The following PAM variants were observed in gnomAD, a reference collection of about 807,000 sequenced individuals.
PAM encodes the protein peptidyl-glycine alpha-amidating monooxygenase.
PAM carries 72 observed loss-of-function variants against 122.1 expected under a neutral mutation model. The ratio of observed to expected loss-of-function variants is 0.59; its 90% CI spans 0.49 to 0.72. The LOEUF (loss-of-function observed/expected upper bound fraction) is 0.72. Ranked by LOEUF, PAM falls within the 30% of genes least tolerant of loss-of-function variation. PAM has a pLI of 0.00. For missense variants in PAM, 1,106 were observed against 1,183.7 expected (o/e 0.93, Z 0.96); for synonymous variants, 389 against 404.4 (o/e 0.96, Z 0.46).
intron 7 of PAM, among the ~76,000 whole-genome samples, chr5:102,933,937 G>C (rs192925633): frequency 6.6e-6 from 1 of 152,108 alleles, no homozygotes; most frequent in South Asian, 2.1e-4. Context: ...TGGGAAACTG[G>C]ATCAGATTGC....
intron 4 of PAM, among the ~76,000 whole-genome samples, chr5:102,906,397 T>C (rs139760245): frequency 4.6e-5 from 7 of 151,750 alleles, no homozygotes; most frequent in African/African-American, 9.6e-5. Context: ...ATGCAAAATT[T>C]CATCTGGACC....
intron 7 of PAM, among the ~76,000 whole-genome samples, chr5:102,933,546 T>C (rs962602802): frequency 2.0e-5 from 3 of 152,210 alleles, no homozygotes; most frequent in African/African-American, 7.2e-5. Context: ...CATCTGTGTA[T>C]TCACACAAAT....
rs757890796 is a variant in PAM at position 102,974,441 on chromosome 5, G to A, written c.1483+5G>A. 9.4e-6 allele frequency: 15 copies of A among 1,593,022 alleles called. No individual in the cohort carries two copies. Among genetic ancestry groups the A allele is most frequent in the South Asian group, 2.2e-5 (2 of 89,036 alleles). On this transcript the variant is annotated splice_donor_5th_base_variant and intron_variant, in intron 15 of 25. Coordinates refer to ENST00000438793, the MANE Select transcript of PAM (RefSeq NM_001177306.2). Reference sequence around the variant, plus strand: ...GGGAACCAGAACACACAGGAGGTGCGTGTAGGGTTTCTTTTAAGCAGTAAA... The same window carrying A: ...GGGAACCAGAACACACAGGAGGTGCATGTAGGGTTTCTTTTAAGCAGTAAA...
intron 12 of PAM, among the ~76,000 whole-genome samples, chr5:102,951,304 G>T (rs1234459688): frequency 2.0e-5 from 3 of 151,934 alleles, no homozygotes; most frequent in Non-Finnish European, 2.9e-5. Flanking sequence ...AAAAAAGAAT[G>T]TTGAGCCTTT....
chr5:102,867,170 A>G, intron 2 of PAM, 103 bp from the exon 3 acceptor site: 2 of 737,538 alleles, frequency 2.7e-6, no homozygotes, highest in South Asian at 2.0e-5. Flanking sequence ...ATTGGGTTTA[A>G]ATCAATCATC....
chr5:102,945,227 T>C (rs1336140974), intron 7 of PAM, among the ~76,000 whole-genome samples: 1 of 152,008 alleles, frequency 6.6e-6, no homozygotes, highest in Non-Finnish European at 1.5e-5. Context: ...AGTACCTAGA[T>C]TTTACTTCTC....
rs536873522 is a variant in PAM, at chr5:102,853,369, G to T, written c.-373-12454G>T. ...TGTTAGGAAGAGTATTTTAATTTGG[G>T]TTTTTAGCTCTGTTTTTTCCCTGAC... On this transcript the variant is annotated intron_variant, in intron 1 of 25. Transcript: ENST00000438793. 9.6e-4 allele frequency among the ~76,000 whole-genome samples: 146 copies of T among 152,142 alleles called. 1 individual carries two copies. The highest frequency in any genetic ancestry group is 3.3e-3 in the African/African-American group (137 of 41,542).
At position 103,009,845 on chromosome 5, in the gene PAM, C is replaced by T. The variant is rs756154455; in HGVS notation, c.2310C>T (p.Asp770=). 2 of 1,598,732 alleles carry T rather than the reference C, an allele frequency of 1.3e-6. No homozygotes were observed. The highest frequency in any genetic ancestry group is 4.5e-5 in the East Asian group (2 of 44,700). The change falls in exon 21 of 26, where the codon GAC becomes GAT. Residue 770 remains aspartate (D), a synonymous_variant. Coordinates refer to ENST00000438793, the MANE Select transcript of PAM (RefSeq NM_001177306.2). The part of the protein sequence containing the change: ...VMNFSNGEII[D]IFKPVRKHFD... ...ACTTTTCCAATGGGGAAATTATAGA[C>T]ATCTTCAAGCCAGTGCGCAAGGTAT...
chr5:102,805,897 C>T (rs1348915089), intron 1 of PAM, among the ~76,000 whole-genome samples: 4 of 152,196 alleles, frequency 2.6e-5, no homozygotes, highest in Non-Finnish European at 5.9e-5. Flanking sequence ...CTCTAACAGG[C>T]CACATAATCT....
intron 3 of PAM, among the ~76,000 whole-genome samples, chr5:102,889,424 C>T (rs978736674): frequency 1.3e-5 from 2 of 151,836 alleles, no homozygotes; most frequent in Admixed American, 6.6e-5. Context: ...CTTCTTGGCT[C>T]TTAGGTTTTT....
chr5:102,915,317 T>G (rs567121676), intron 5 of PAM, among the ~76,000 whole-genome samples: 1 of 152,086 alleles, frequency 6.6e-6, no homozygotes, highest in Non-Finnish European at 1.5e-5. Context: ...AACAATATAA[T>G]GTGTATTTGG....
At chr5:102,869,188 T>G (rs1299664350) in intron 3 of PAM, among the ~76,000 whole-genome samples, 1 of 152,188 alleles carries the variant, frequency 6.6e-6, no homozygotes, top group Non-Finnish European at 1.5e-5. Flanking sequence ...ATTGACTGTA[T>G]CCCGCCTCCC....
In PAM at chr5:102,866,169, T is replaced by C. The variant is rs1158550187; in HGVS notation, c.-27T>C. On this transcript the variant is annotated 5_prime_UTR_variant, in exon 2 of 26. Transcript: ENST00000438793. ...CCCCGCGCTGCGCTGCCCGGTCCTC[T>C]CCCGGCGGGGTCGTATCGGCGTGGA... is the stretch of plus-strand genomic sequence containing the variant. The C allele has an allele frequency of 1.3e-6, 2 of 1,557,170 alleles. No homozygotes were observed. The highest frequency in any genetic ancestry group is 2.2e-5 in the South Asian group (2 of 89,974).
chr5:103,003,715 T>C (rs1002782424), intron 17 of PAM, among the ~76,000 whole-genome samples: 1 of 152,116 alleles, frequency 6.6e-6, no homozygotes, highest in Admixed American at 6.6e-5. Context: ...TCTTACATAC[T>C]TGATTAAGTG....
rs1401720917 is a variant in PAM, at chr5:102,960,018, C to A, written c.1049C>A (p.Pro350His). ...TIPPEANIPI[P>H]VKSDMVMMHE... ...CCACCAGAGGCCAACATTCCAATTC[C>A]CGTGAAGTCTGATATGGTTATGATG... The change falls in exon 13 of 26, where the codon CCC (proline) becomes CAC (histidine). Residue 350 changes from proline (P) to histidine (H), a missense_variant. Pro to His is a moderately conservative substitution (Grantham distance 77). This residue lies in a region of PAM where 670 missense variants were observed against 690.3 expected (regional missense o/e 0.97). Transcript: ENST00000438793. 6.2e-7 allele frequency: 1 copy of A among 1,611,122 alleles called. No homozygotes were observed. Among genetic ancestry groups the A allele is most frequent in the African/African-American group, 1.3e-5 (1 of 74,896 alleles).
intron 1 of PAM, among the ~76,000 whole-genome samples, chr5:102,807,864 T>C (rs1766653256): frequency 6.6e-6 from 1 of 152,212 alleles, no homozygotes; most frequent in Admixed American, 6.5e-5. Flanking sequence ...GGAATGATGC[T>C]AATAGAATCA....
At position 102,989,436 on chromosome 5, in the gene PAM, G is replaced by A. The variant is rs549797446; in HGVS notation, c.1484-836G>A. On this transcript the variant is annotated intron_variant, in intron 15 of 25. Coordinates refer to ENST00000438793, the MANE Select transcript of PAM (RefSeq NM_001177306.2). ...GTGGGAGGATTGCTTGAGCTCAGCA[G>A]GTTGAGGCTTCAGTGAGCTGTGACT... Among the ~76,000 whole-genome samples, 44 of 152,304 alleles carry A rather than the reference G, an allele frequency of 2.9e-4. No individual in the cohort carries two copies. The South Asian group carries it at 8.7e-3, about 30-fold the overall frequency.
At chr5:102,993,386 C>G (rs1249175293) in intron 16 of PAM, among the ~76,000 whole-genome samples, 3 of 152,086 alleles carry the variant, frequency 2.0e-5, no homozygotes, top group Non-Finnish European at 4.4e-5. Flanking sequence ...CAAAGTGTTT[C>G]TTGGCCTTTC....
In PAM at chr5:102,857,505, G is replaced by A. The variant is rs181844649; in HGVS notation, c.-373-8318G>A. On this transcript the variant is annotated intron_variant, in intron 1 of 25. Transcript: ENST00000438793. ...ATTTGAACCATAGGCATAGGACTTC[G>A]ATTTGTTACCTACTGAATTAGCTAA... Among the ~76,000 whole-genome samples, 328 of 152,292 alleles carry A rather than the reference G, an allele frequency of 2.2e-3. 1 individual carries two copies. The highest frequency in any genetic ancestry group is 7.5e-3 in the African/African-American group (313 of 41,554).
Sources: gnomAD v4.1 joint callset for allele counts (sites outside exome capture counted in the v4.1 genomes callset) on GRCh38, gnomAD v4.1.1 for gene constraint, gnomAD v4.1.1 regional missense constraint, MANE v1.5 for transcripts, NCBI Gene and HGNC (gene_info 2026-07-23, HGNC 2026-07-21) for gene names.